The following TP53BP2 variants were observed in gnomAD, a reference collection of about 807,000 sequenced individuals.
The protein encoded by TP53BP2 is apoptosis-stimulating of p53 protein 2.
In TP53BP2, 62 loss-of-function variants were observed where a neutral mutation model predicts 126.2. That is an observed-to-expected ratio of 0.49 (90% CI 0.40 to 0.61). The LOEUF (loss-of-function observed/expected upper bound fraction) is 0.61. Among genes scored for constraint, TP53BP2 ranks in the 20% least tolerant of loss-of-function variants. TP53BP2 has a pLI of 0.00. For synonymous variants in TP53BP2, 485 were observed against 502.9 expected, an observed-to-expected ratio of 0.96 and a Z score of 0.48; for missense variants, 1,215 against 1,402.8, an observed-to-expected ratio of 0.87 and a Z score of 2.14.
chr1:223,823,723 C>T (rs1456703633), intron 1 of TP53BP2, among the ~76,000 whole-genome samples: 1 of 152,172 alleles, frequency 6.6e-6, no homozygotes, highest in Non-Finnish European at 1.5e-5. Flanking sequence ...GAAGTACACT[C>T]GTCTGCTGCT....
chr1:223,817,492 G>A (rs897406826), intron 2 of TP53BP2, among the ~76,000 whole-genome samples: 3 of 152,250 alleles, frequency 2.0e-5, no homozygotes, highest in East Asian at 1.9e-4. Context: ...ACCCCCTAGA[G>A]AAATGCTTGC....
intron 1 of TP53BP2, among the ~76,000 whole-genome samples, chr1:223,831,846 T>G (rs61823589): frequency 2.0e-5 from 3 of 151,334 alleles, no homozygotes; most frequent in Non-Finnish European, 2.9e-5. Context: ...CATATCTAGA[T>G]GAAGATGTGC....
chr1:223,840,034 T>G (rs1409643130), intron 1 of TP53BP2, among the ~76,000 whole-genome samples: 1 of 152,260 alleles, frequency 6.6e-6, no homozygotes, highest in Non-Finnish European at 1.5e-5. Context: ...ATAAATAATT[T>G]GTTTTCGAGT....
chr1:223,842,727 G>T (rs2102895497), intron 1 of TP53BP2, among the ~76,000 whole-genome samples: 1 of 152,288 alleles, frequency 6.6e-6, no homozygotes, highest in East Asian at 1.9e-4. Context: ...TCAAAGTAGT[G>T]AATAAAAGAT....
intron 1 of TP53BP2, among the ~76,000 whole-genome samples, chr1:223,826,839 A>G (rs1663512841): frequency 6.6e-6 from 1 of 152,204 alleles, no homozygotes; most frequent in South Asian, 2.1e-4. Context: ...ACACGGAATG[A>G]GATACGATGG....
At chr1:223,815,031 AT>A (rs1663040478) in intron 2 of TP53BP2, among the ~76,000 whole-genome samples, 1 of 152,218 alleles carries the variant, frequency 6.6e-6, no homozygotes, top group African/African-American at 2.4e-5. Context: ...TCCTAAAAAA[AT>A]CTTCCAATCT....
intron 1 of TP53BP2, among the ~76,000 whole-genome samples, chr1:223,840,492 C>A (rs549498521): frequency 1.3e-5 from 2 of 152,152 alleles, no homozygotes; most frequent in Non-Finnish European, 2.9e-5. Flanking sequence ...CTGTGAGATC[C>A]TTGTGGAGAA....
rs1664265865 is a variant in TP53BP2, at chr1:223,845,936, C to T, written c.-256G>A. The stretch of plus-strand genomic sequence containing the variant: ...TCGTGACGGTCGGGGCTCCCTCCTC[C>T]GCTCCGAAACCAACTAATCCCGGGT... On this transcript the variant is annotated 5_prime_UTR_variant, in exon 1 of 18. Transcript: ENST00000343537. 1 of 232,958 alleles carries T rather than the reference C, an allele frequency of 4.3e-6. No individual in the cohort carries two copies. The highest frequency in any genetic ancestry group is 8.2e-6 in the Non-Finnish European group (1 of 122,032). The allele number at this position is 232,958 out of a possible 1,614,324, so 14.4% of individuals were successfully genotyped here.
intron 2 of TP53BP2, among the ~76,000 whole-genome samples, chr1:223,817,907 C>T (rs1296126189): frequency 1.5e-5 from 2 of 135,876 alleles, no homozygotes; most frequent in African/African-American, 5.6e-5. Flanking sequence ...GCCTGGGCAA[C>T]AGAGTGAGAC....
In TP53BP2 at chr1:223,796,061, G is replaced by A; in HGVS notation, c.2478C>T (p.Asn826=). ...CTGGAGAAGGAGCTGGCATGTCACT[G>A]TTCTCTGTACTGGCATTCCCCACAT... ...PEDVGNASTE[N]SDMPAPSPGL... Residue 826 remains asparagine, a synonymous_variant, in exon 13 of 18, where the codon AAC becomes AAT. Coordinates refer to ENST00000343537, the MANE Select transcript of TP53BP2 (RefSeq NM_001031685.3). This position sits in a 1 kb window ranked among gnomAD's most constrained non-coding sequence, Gnocchi z 4.2. 6.2e-7 allele frequency: 1 copy of A among 1,614,184 alleles called. No homozygotes were observed. The highest frequency in any genetic ancestry group is 8.5e-7 in the Non-Finnish European group (1 of 1,180,030).
chr1:223,845,550 G>A (rs538314057), intron 1 of TP53BP2, 104 bp downstream of exon 1: 3 of 1,258,320 alleles, frequency 2.4e-6, no homozygotes, highest in East Asian at 6.4e-5. Context: ...CGCGGGCTGC[G>A]GCCCCCAGGC....
chr1:223,781,598 T>G (rs1012779412), intron 17 of TP53BP2, among the ~76,000 whole-genome samples: 1 of 152,088 alleles, frequency 6.6e-6, no homozygotes, highest in Admixed American at 6.6e-5. Context: ...TCAAAGAAAG[T>G]AGAAGCATAG....
intron 1 of TP53BP2, among the ~76,000 whole-genome samples, chr1:223,841,248 G>GAAATAAATAAATAAATAAATAAATAAAT (rs150151337): frequency 9.5e-5 from 14 of 147,012 alleles, no homozygotes; most frequent in African/African-American, 3.4e-4. Context: ...TCCGTCTCAA[G>GAAATAAATAAATAAATAAATAAATAAAT]AAATAAATAA....
intron 17 of TP53BP2, among the ~76,000 whole-genome samples, chr1:223,783,152 C>T (rs563746426): frequency 1.4e-4 from 22 of 152,294 alleles, no homozygotes; most frequent in African/African-American, 3.4e-4. Flanking sequence ...CATGTCCATC[C>T]GACACTTGAT....
chr1:223,805,202 C>T (rs1303949925), intron 5 of TP53BP2, among the ~76,000 whole-genome samples: 2 of 152,034 alleles, frequency 1.3e-5, no homozygotes, highest in Non-Finnish European at 2.9e-5. Context: ...AGAAGGATCA[C>T]TTGAACCCAG....
intron 17 of TP53BP2, among the ~76,000 whole-genome samples, chr1:223,781,535 C>T (rs73128044): frequency 0.031 from 4,730 of 152,162 alleles, 247 homozygotes; most frequent in African/African-American, 0.11. Flanking sequence ...TCAACTGACA[C>T]ACCAAACAAA....
At chr1:223,831,687 G>A (rs12731254) in intron 1 of TP53BP2, among the ~76,000 whole-genome samples, 1 of 149,670 alleles carries the variant, frequency 6.7e-6, no homozygotes, top group East Asian at 2.0e-4. Flanking sequence ...CATTAAAAAT[G>A]GTAAATGTGA....
intron 8 of TP53BP2, 126 bp from the exon 9 acceptor site, chr1:223,802,470 C>CA: frequency 9.8e-7 from 1 of 1,025,148 alleles, no homozygotes; most frequent in South Asian, 1.7e-5. Flanking sequence ...ATAGAGTCTA[C>CA]AAAAAACATT....
intron 1 of TP53BP2, among the ~76,000 whole-genome samples, chr1:223,827,577 A>C (rs2102879412): frequency 6.6e-6 from 1 of 152,348 alleles, no homozygotes; most frequent in East Asian, 1.9e-4. Flanking sequence ...AAATGGAGCC[A>C]TCTAGGGAAG....
Sources: allele counts gnomAD v4.1 joint callset (sites outside exome capture counted in the v4.1 genomes callset), GRCh38; gene constraint gnomAD v4.1.1; non-coding constraint Gnocchi (gnomAD v3.1); transcripts MANE v1.5; gene names NCBI Gene and HGNC (gene_info 2026-07-23, HGNC 2026-07-21).